The following MIPEP variants were observed in gnomAD, a reference collection of about 807,000 sequenced individuals.
MIPEP encodes the protein mitochondrial intermediate peptidase.
MIPEP carries 79 observed loss-of-function variants against 90.3 expected under a neutral mutation model. That is an observed-to-expected ratio of 0.87 (90% confidence interval 0.73 to 1.05). MIPEP has a LOEUF of 1.05. Ranked by LOEUF, MIPEP falls within the 50% of genes least tolerant of loss-of-function variation. The pLI is 0.00. For missense variants in MIPEP, 940 were observed against 905.6 expected (o/e 1.04, Z -0.49); for synonymous variants, 334 against 315.8 (o/e 1.06, Z -0.61).
intron 4 of MIPEP, among the ~76,000 whole-genome samples, chr13:23,876,594 T>G (rs569095912): frequency 2.1e-5 from 3 of 140,672 alleles, no homozygotes; most frequent in Admixed American, 7.2e-5. Flanking sequence ...ATAAGGGGGG[T>G]TTTTGTTCTT....
chr13:23,884,854 T>G (rs1402867288), intron 2 of MIPEP, among the ~76,000 whole-genome samples: 2 of 152,230 alleles, frequency 1.3e-5, no homozygotes, highest in East Asian at 3.8e-4. Context: ...TATGCAGTTC[T>G]ATACCATGTA....
chr13:23,809,350 CT>C (rs71185094), intron 15 of MIPEP, among the ~76,000 whole-genome samples: 144 of 144,386 alleles, frequency 1.0e-3, no homozygotes, highest in East Asian at 1.2e-3. Context: ...GGGAAATAGT[CT>C]TTTTTTTTTT....
At chr13:23,796,245 C>T (rs557139673) in intron 16 of MIPEP, among the ~76,000 whole-genome samples, 1 of 152,186 alleles carries the variant, frequency 6.6e-6, no homozygotes, top group African/African-American at 2.4e-5. Flanking sequence ...ATGGCGAAAC[C>T]ACATCTCTAC....
chr13:23,785,563 A>T (rs765374712), intron 16 of MIPEP, among the ~76,000 whole-genome samples: 4 of 151,628 alleles, frequency 2.6e-5, no homozygotes, highest in Non-Finnish European at 5.9e-5. Context: ...AACATGGCAC[A>T]TGTATACATA....
At chr13:23,855,313 C>T (rs1252698451) in intron 10 of MIPEP, among the ~76,000 whole-genome samples, 1 of 152,150 alleles carries the variant, frequency 6.6e-6, no homozygotes, top group African/African-American at 2.4e-5. Flanking sequence ...CCAGGATCAA[C>T]CTTTGGCACT....
At chr13:23,881,262 C>A (rs184743417) in intron 3 of MIPEP, among the ~76,000 whole-genome samples, 3 of 152,288 alleles carry the variant, frequency 2.0e-5, no homozygotes, top group Admixed American at 2.0e-4. Flanking sequence ...GCCATTGATG[C>A]AACAGCAATT....
chr13:23,874,115 C>A (rs1393435734), intron 5 of MIPEP, among the ~76,000 whole-genome samples: 4 of 152,302 alleles, frequency 2.6e-5, no homozygotes, highest in Non-Finnish European at 5.9e-5. Context: ...AAATGTATTA[C>A]TGTTTAAAAC....
chr13:23,823,738 G>T (rs77570308), intron 14 of MIPEP, among the ~76,000 whole-genome samples: 1 of 152,276 alleles, frequency 6.6e-6, no homozygotes, highest in East Asian at 1.9e-4. Context: ...TGGGGCAGGA[G>T]GACTGCTTCA....
intron 16 of MIPEP, among the ~76,000 whole-genome samples, chr13:23,786,122 G>A (rs1952836309): frequency 6.6e-6 from 1 of 151,846 alleles, no homozygotes; most frequent in African/African-American, 2.4e-5. Context: ...AGCTACTCAG[G>A]AGGCTGAGGT....
intron 16 of MIPEP, among the ~76,000 whole-genome samples, chr13:23,789,137 C>T (rs1952876417): frequency 6.6e-6 from 1 of 152,100 alleles, no homozygotes; most frequent in Non-Finnish European, 1.5e-5. Context: ...AATTGTTCTT[C>T]TGTTGTCATT....
chr13:23,760,234 G>A lies in MIPEP; in HGVS notation c.1849-17C>T, dbSNP rs1565984189. 1.2e-6 allele frequency: 2 copies of A among 1,613,800 alleles called. No individual in the cohort carries two copies. The highest frequency in any genetic ancestry group is 1.7e-6 in the Non-Finnish European group (2 of 1,179,882). On this transcript the variant is annotated splice_polypyrimidine_tract_variant and intron_variant, in intron 16 of 18. Coordinates refer to ENST00000382172, the MANE Select transcript of MIPEP (RefSeq NM_005932.4). ...CTGCCAGGCCTGCCAAGAACAGAGA[G>A]ACACAGCACGGGACACAAGTCAGTT...
intron 2 of MIPEP, among the ~76,000 whole-genome samples, chr13:23,884,978 A>AT (rs1181458802): frequency 6.6e-6 from 1 of 152,244 alleles, no homozygotes; most frequent in Non-Finnish European, 1.5e-5. Flanking sequence ...GGAAATGAGT[A>AT]TATCGAAGAG....
At chr13:23,845,293 C>G (rs1301567144) in intron 10 of MIPEP, among the ~76,000 whole-genome samples, 1 of 152,140 alleles carries the variant, frequency 6.6e-6, no homozygotes, top group Non-Finnish European at 1.5e-5. Flanking sequence ...AAGCTCATTT[C>G]ATGCATCTCC....
chr13:23,777,539 C>T (rs1241154129), intron 16 of MIPEP, among the ~76,000 whole-genome samples: 3 of 152,148 alleles, frequency 2.0e-5, no homozygotes, highest in Non-Finnish European at 4.4e-5. Flanking sequence ...TTTGACGGTA[C>T]ACATGGTTAC....
intron 14 of MIPEP, among the ~76,000 whole-genome samples, chr13:23,815,491 T>G (rs1243442155): frequency 6.6e-6 from 1 of 152,158 alleles, no homozygotes; most frequent in African/African-American, 2.4e-5. Flanking sequence ...TTTTGTATAG[T>G]AGAGATGGGG....
At chr13:23,768,619 C>A (rs1445079218) in intron 16 of MIPEP, among the ~76,000 whole-genome samples, 1 of 152,154 alleles carries the variant, frequency 6.6e-6, no homozygotes, top group African/African-American at 2.4e-5. Context: ...CCTATAGTCC[C>A]AGCTACTCAG....
chr13:23,795,923 A>G (rs966342157), intron 16 of MIPEP, among the ~76,000 whole-genome samples: 1 of 151,636 alleles, frequency 6.6e-6, no homozygotes, highest in Non-Finnish European at 1.5e-5. Context: ...TTGAGCCTTG[A>G]GGTTAAGGCT....
chr13:23,886,618 T>A (rs1871493257), intron 1 of MIPEP, 112 bp from the exon 2 acceptor site: 5 of 809,112 alleles, frequency 6.2e-6, no homozygotes, highest in African/African-American at 1.8e-5. Flanking sequence ...CATTGGTGTA[T>A]CATGTTATAC....
chr13:23,881,666 T>G, intron 3 of MIPEP, 33 bp downstream of exon 3: 3 of 1,552,870 alleles, frequency 1.9e-6, no homozygotes, highest in Non-Finnish European at 2.7e-6. Flanking sequence ...ACCCAGGACT[T>G]GGCATGGAGG....
Sources: gnomAD v4.1 joint callset for allele counts (sites outside exome capture counted in the v4.1 genomes callset) on GRCh38, gnomAD v4.1.1 for gene constraint, MANE v1.5 for transcripts, NCBI Gene and HGNC (gene_info 2026-07-23, HGNC 2026-07-21) for gene names.